KCNG2: variants seen among roughly 807,000 people sequenced by gnomAD.
The protein encoded by KCNG2 is potassium voltage-gated channel modifier subfamily G member 2.
In KCNG2, 7 loss-of-function variants were observed where a neutral mutation model predicts 12.3. The observed-to-expected ratio is 0.57, with a 90% CI of 0.32 to 1.07. The LOEUF is 1.07. KCNG2 is among the 50% of genes least tolerant of loss of function. The pLI, the probability that KCNG2 is intolerant of heterozygous loss-of-function variation, is 0.04. For synonymous variants in KCNG2, 414 were observed against 351.4 expected, an observed-to-expected ratio of 1.18 and a Z score of -1.99; for missense variants, 703 against 726.0, an observed-to-expected ratio of 0.97 and a Z score of 0.36.
intron 1 of KCNG2, among the ~76,000 whole-genome samples, chr18:79,826,579 G>A (rs571623897): frequency 4.2e-4 from 62 of 147,210 alleles, no homozygotes; most frequent in African/African-American, 1.5e-3. Flanking sequence ...GGTTAAGTTC[G>A]GCGCGTTACG....
At chr18:79,865,345 T>C (rs1419601057) in intron 3 of KCNG2, among the ~76,000 whole-genome samples, 3 of 89,320 alleles carry the variant, frequency 3.4e-5, no homozygotes, top group Non-Finnish European at 2.2e-5. Flanking sequence ...GGTGCTGAGG[T>C]CTGGGTGCTG....
chr18:79,815,302 G>T (rs1466747276), intron 1 of KCNG2, among the ~76,000 whole-genome samples: 1 of 152,032 alleles, frequency 6.6e-6, no homozygotes, highest in African/African-American at 2.4e-5. Flanking sequence ...TTATCTGGGT[G>T]TGATAGCAGA....
In KCNG2 at chr18:79,864,046, G is replaced by A; in HGVS notation, c.379G>A (p.Glu127Lys). The change falls in exon 3 of 4, where the codon GAG (glutamate) becomes AAG (lysine). Residue 127 changes from glutamate (E) to lysine (K), a missense_variant. By Grantham distance (56) the Glu-to-Lys change is moderately conservative. Coordinates refer to ENST00000316249, the MANE Select transcript of KCNG2 (RefSeq NM_012283.2). ...RCCLRRLRRR[E>K]EEAAEARAGP... ...CTGCCTGCGCCGCCTGCGCCGCCGC[G>A]AGGAGGAGGCGGCCGAGGCCCGCGC... 8.0e-6 allele frequency: 9 copies of A among 1,130,048 alleles called. No homozygotes were observed. The highest frequency in any genetic ancestry group is 9.7e-6 in the Non-Finnish European group (9 of 923,382). 70.0% of individuals were successfully genotyped at this position (1,130,048 alleles called of 1,614,324 possible). A position where few individuals can be genotyped will look rare whatever the true frequency, so the allele number is the denominator to read the frequency against.
intron 1 of KCNG2, among the ~76,000 whole-genome samples, chr18:79,820,997 A>G (rs1273347725): frequency 6.6e-6 from 1 of 152,120 alleles, no homozygotes; most frequent in East Asian, 1.9e-4. Flanking sequence ...ACTGAGTTAG[A>G]GAAACTCATT....
intron 1 of KCNG2, among the ~76,000 whole-genome samples, 191 bp downstream of exon 1, chr18:79,798,205 AGGGGGC>A (rs1346168935): frequency 4.5e-5 from 1 of 21,988 alleles, no homozygotes; most frequent in Non-Finnish European, 8.5e-5. Context: ...GTTCGGGCCA[AGGGGGC>A]GGGGGCGGCT....
chr18:79,823,607 TG>T (rs2087588696), intron 1 of KCNG2, among the ~76,000 whole-genome samples: 1 of 152,204 alleles, frequency 6.6e-6, no homozygotes. Context: ...CTTTTGTGAA[TG>T]GCCTGTTCAT....
intron 1 of KCNG2, among the ~76,000 whole-genome samples, chr18:79,836,595 G>A (rs1267870590): frequency 6.6e-6 from 1 of 152,182 alleles, no homozygotes; most frequent in Non-Finnish European, 1.5e-5. Flanking sequence ...AAGAAAAAAG[G>A]TTGAATTGAC....
chr18:79,873,059 G>C (rs562808098), intron 3 of KCNG2, among the ~76,000 whole-genome samples: 2 of 152,190 alleles, frequency 1.3e-5, no homozygotes, highest in Non-Finnish European at 2.9e-5. Flanking sequence ...GAAGAAGCCA[G>C]GTAGCTCTGC....
chr18:79,809,504 CT>C (rs2087476450), intron 1 of KCNG2, among the ~76,000 whole-genome samples: 1 of 99,994 alleles, frequency 1.0e-5, no homozygotes, highest in Non-Finnish European at 2.2e-5. Flanking sequence ...AGAGTCCGCG[CT>C]CTGAGGAGCT....
chr18:79,855,799 A>C (rs1002418296), intron 1 of KCNG2, among the ~76,000 whole-genome samples: 2 of 152,020 alleles, frequency 1.3e-5, no homozygotes, highest in African/African-American at 4.8e-5. Context: ...CACACTCTTG[A>C]CAAGAGTGTG....
rs185476969 is a variant in KCNG2 at position 79,800,920 on chromosome 18, A to G, written c.-115+2906A>G. ...AATTGCTAACAGAAATCTTATCAACAGCAGGTTCAGCCTTTTCACGTGATG... is the reference window on the plus strand; with the variant it reads ...AATTGCTAACAGAAATCTTATCAACGGCAGGTTCAGCCTTTTCACGTGATG... On this transcript the variant is annotated intron_variant, in intron 1 of 3. Coordinates refer to ENST00000316249, the MANE Select transcript of KCNG2 (RefSeq NM_012283.2). This position sits in a 1 kb window ranked among gnomAD's most constrained non-coding sequence, Gnocchi z 4.0. Among the ~76,000 whole-genome samples the G allele has an allele frequency of 1.5e-3, 223 of 152,370 alleles. 1 individual carries two copies. The highest frequency in any genetic ancestry group is 5.0e-3 in the African/African-American group (207 of 41,594).
intron 3 of KCNG2, among the ~76,000 whole-genome samples, chr18:79,870,699 C>A (rs555790200): frequency 6.6e-6 from 1 of 152,326 alleles, no homozygotes; most frequent in South Asian, 2.1e-4. Flanking sequence ...TTTAAACTCA[C>A]ATGATTAAAT....
At chr18:79,863,292 C>T (rs1979290082) in intron 2 of KCNG2, among the ~76,000 whole-genome samples, 1 of 152,242 alleles carries the variant, frequency 6.6e-6, no homozygotes, top group Admixed American at 6.5e-5. Context: ...CGGTGGGGTC[C>T]GCCCTGAAAC....
chr18:79,822,415 T>C lies in KCNG2; in HGVS notation c.-115+24401T>C, dbSNP rs2087578095. 6.6e-6 allele frequency among the ~76,000 whole-genome samples: 1 copy of C among 152,240 alleles called. No individual in the cohort carries two copies. Among genetic ancestry groups the C allele is most frequent in the Admixed American group, 6.5e-5 (1 of 15,282 alleles). On this transcript the variant is annotated intron_variant, in intron 1 of 3. Transcript: ENST00000316249. This position sits in a 1 kb window ranked among gnomAD's most constrained non-coding sequence, Gnocchi z 4.4. ...AGCTCTCCAGTTTGTTTTTCGTTTTTGTTTTTCACAATATTGATACTTTTT... is the reference window on the plus strand; with the variant it reads ...AGCTCTCCAGTTTGTTTTTCGTTTTCGTTTTTCACAATATTGATACTTTTT...
chr18:79,848,463 C>T (rs1170081944), intron 1 of KCNG2, among the ~76,000 whole-genome samples: 3 of 152,232 alleles, frequency 2.0e-5, no homozygotes, highest in African/African-American at 4.8e-5. Flanking sequence ...TGACCTCGGC[C>T]TCTGCATCCC....
chr18:79,821,687 C>T (rs1249901752), intron 1 of KCNG2, among the ~76,000 whole-genome samples: 3 of 152,106 alleles, frequency 2.0e-5, no homozygotes, highest in African/African-American at 7.2e-5. Context: ...CTAGGAAGGG[C>T]CTCCTTCCTG....
At chr18:79,837,525 T>C (rs537025809) in intron 1 of KCNG2, among the ~76,000 whole-genome samples, 1 of 152,240 alleles carries the variant, frequency 6.6e-6, no homozygotes, top group Non-Finnish European at 1.5e-5. Flanking sequence ...CTAGAGGTTC[T>C]CCATGAGAGA....
rs1413185046 is a variant in KCNG2, at chr18:79,899,198, G to A, written c.783G>A (p.Pro261=). The A allele has an allele frequency of 5.0e-6, 8 of 1,603,816 alleles. No homozygotes were observed. Among genetic ancestry groups the A allele is most frequent in the South Asian group, 1.1e-5 (1 of 90,912 alleles). The part of the protein sequence containing the change: ...LNIIDILALL[P]FYVSLLLGLA... ...TCATTGACATCCTGGCGCTCCTGCCGTTCTACGTGTCGCTGCTGCTGGGGC... is the reference window on the plus strand; with the variant it reads ...TCATTGACATCCTGGCGCTCCTGCCATTCTACGTGTCGCTGCTGCTGGGGC... Residue 261 remains proline (P), a synonymous_variant, in exon 4 of 4, where the codon CCG becomes CCA. Coordinates refer to ENST00000316249, the MANE Select transcript of KCNG2 (RefSeq NM_012283.2).
intron 1 of KCNG2, among the ~76,000 whole-genome samples, chr18:79,847,223 A>C (rs916105148): frequency 2.6e-5 from 4 of 152,136 alleles, no homozygotes; most frequent in Non-Finnish European, 4.4e-5. Context: ...GCCTCGTACA[A>C]GGTCCCCCAG....
Sources: allele counts gnomAD v4.1 joint callset (sites outside exome capture counted in the v4.1 genomes callset), GRCh38; gene constraint gnomAD v4.1.1; non-coding constraint Gnocchi (gnomAD v3.1); transcripts MANE v1.5; gene names NCBI Gene and HGNC (gene_info 2026-07-23, HGNC 2026-07-21).